SHISA9: variants seen among roughly 807,000 people sequenced by gnomAD.
The protein encoded by SHISA9 is protein shisa-9.
A neutral mutation model predicts 38.0 loss-of-function variants in SHISA9; 13 were observed. That is an observed-to-expected ratio of 0.34 (90% CI 0.22 to 0.54). SHISA9 has a LOEUF of 0.54. SHISA9 is among the 20% of genes least tolerant of loss of function. The pLI is 0.91. For missense variants in SHISA9, 538 were observed against 575.8 expected (o/e 0.93, Z 0.67); for synonymous variants, 275 against 242.0 (o/e 1.14, Z -1.27).
chr16:13,182,521 G>A (rs1022637472), intron 2 of SHISA9, among the ~76,000 whole-genome samples: 3 of 152,148 alleles, frequency 2.0e-5, no homozygotes, highest in Admixed American at 6.5e-5. Context: ...TTTTTCCTCT[G>A]ATGGCCTCAG....
the SHISA9 span, among the ~76,000 whole-genome samples, chr16:13,305,523 C>T: frequency 6.6e-6 from 1 of 152,210 alleles, no homozygotes; most frequent in African/African-American, 2.4e-5. Context: ...CTCTCTCACT[C>T]TCCCTTGCTT....
chr16:13,097,509 C>G (rs1431451497), intron 2 of SHISA9, among the ~76,000 whole-genome samples: 1 of 151,910 alleles, frequency 6.6e-6, no homozygotes, highest in Non-Finnish European at 1.5e-5. Context: ...CAAGTGATCC[C>G]CCTGCCTCAG....
intron 4 of SHISA9, among the ~76,000 whole-genome samples, chr16:13,216,806 C>G (rs1366585397): frequency 6.6e-6 from 1 of 152,088 alleles, no homozygotes; most frequent in Non-Finnish European, 1.5e-5. Context: ...AGTGTGTCTG[C>G]CAGGACAGGA....
intron 1 of SHISA9, chr16:12,908,720 C>T (rs183872064): frequency 5.5e-5 from 81 of 1,461,310 alleles, no homozygotes; most frequent in African/African-American, 2.8e-4. Flanking sequence ...AAGAAGCTAC[C>T]GTAAGATGAA....
chr16:12,980,307 G>A (rs138414312), intron 2 of SHISA9, among the ~76,000 whole-genome samples: 52 of 152,118 alleles, frequency 3.4e-4, no homozygotes, highest in African/African-American at 1.1e-3. Flanking sequence ...TTGAGGTCTC[G>A]TACATCTGAA....
chr16:13,019,772 CTTTCTTTCTTTCTTTCTT>C (rs1203877070), intron 2 of SHISA9, among the ~76,000 whole-genome samples: 3 of 59,290 alleles, frequency 5.1e-5, no homozygotes, highest in African/African-American at 2.4e-4. Flanking sequence ...TCTTTTCTTT[CTTTCTTTCTTTCTTTCTT>C]TCTTTCTTTC....
At chr16:13,026,305 T>C (rs2072921484) in intron 2 of SHISA9, among the ~76,000 whole-genome samples, 1 of 152,246 alleles carries the variant, frequency 6.6e-6, no homozygotes, top group Admixed American at 6.5e-5. Flanking sequence ...AGAGTCCTTA[T>C]TGAAGTGGAA....
At chr16:12,911,586 A>C (rs1032938703) in intron 1 of SHISA9, 15 of 161,708 alleles carry the variant, frequency 9.3e-5, no homozygotes, top group South Asian at 2.0e-4. Context: ...TTACTATCTC[A>C]ATGCATAATG....
chr16:13,289,918 A>G, the SHISA9 span, among the ~76,000 whole-genome samples: 1 of 152,226 alleles, frequency 6.6e-6, no homozygotes, highest in Non-Finnish European at 1.5e-5. Flanking sequence ...ACTAACACTG[A>G]CATCACTAGG....
In SHISA9 at chr16:12,990,984, AAT is replaced by A. The variant is rs560062629; in HGVS notation, c.691+74172_691+74173del. On this transcript the variant is annotated intron_variant, in intron 2 of 4. Transcript: ENST00000558583. ...TCAAATAGCTTTCCAGAAATACAGA[AAT>A]ATTATTCTTCCAACAACAGAATCTA... 1.3e-3 allele frequency among the ~76,000 whole-genome samples: 203 copies of A among 152,222 alleles called. 2 individuals carry two copies. Among genetic ancestry groups the A allele is most frequent in the Non-Finnish European group, 2.7e-3 (181 of 68,038 alleles).
At chr16:13,141,907 ATG>A (rs2050405204) in intron 2 of SHISA9, among the ~76,000 whole-genome samples, 1 of 152,146 alleles carries the variant, frequency 6.6e-6, no homozygotes, top group South Asian at 2.1e-4. Context: ...TCCATCCTTT[ATG>A]TCTGTAATAA....
the SHISA9 span, among the ~76,000 whole-genome samples, chr16:13,539,256 AG>A: frequency 7.2e-6 from 1 of 138,310 alleles, no homozygotes; most frequent in South Asian, 2.5e-4. Context: ...CAGCCTCCCA[AG>A]TAGCTGGGAC....
At chr16:13,437,813 A>G in the SHISA9 span, among the ~76,000 whole-genome samples, 16 of 133,258 alleles carry the variant, frequency 1.2e-4, no homozygotes, top group Admixed American at 5.0e-4. Flanking sequence ...TGACAATTCC[A>G]AGTGGTGGAT....
At chr16:12,916,438 G>A (rs935839753) in intron 1 of SHISA9, among the ~76,000 whole-genome samples, 1 of 152,120 alleles carries the variant, frequency 6.6e-6, no homozygotes, top group African/African-American at 2.4e-5. Flanking sequence ...AAAACTCCGT[G>A]GGGTAGATAG....
intron 2 of SHISA9, among the ~76,000 whole-genome samples, chr16:13,132,200 T>C (rs1033438830): frequency 1.3e-5 from 2 of 152,138 alleles, no homozygotes; most frequent in East Asian, 3.9e-4. Context: ...GGTTACTAGC[T>C]GGGTGACTTT....
chr16:13,019,584 A>G (rs188635349), intron 2 of SHISA9, among the ~76,000 whole-genome samples: 2 of 152,042 alleles, frequency 1.3e-5, no homozygotes, highest in African/African-American at 4.8e-5. Flanking sequence ...GTGTTGTGCA[A>G]CTGTCACCAC....
the SHISA9 span, among the ~76,000 whole-genome samples, chr16:13,461,333 A>T: frequency 6.6e-6 from 1 of 152,156 alleles, no homozygotes; most frequent in Non-Finnish European, 1.5e-5. Context: ...TAATCCCAGC[A>T]CTTTGGGAGG....
chr16:13,108,072 G>A (rs1414284866), intron 2 of SHISA9, among the ~76,000 whole-genome samples: 1 of 152,066 alleles, frequency 6.6e-6, no homozygotes, highest in Non-Finnish European at 1.5e-5. Context: ...TTGGTAGGAG[G>A]ACAGGGAGTG....
At chr16:13,209,967 GGCACA>G (rs562888259) in intron 3 of SHISA9, among the ~76,000 whole-genome samples, 90 of 152,284 alleles carry the variant, frequency 5.9e-4, no homozygotes, top group African/African-American at 2.0e-3. Flanking sequence ...TGGGTGTGGT[GGCACA>G]TGCCTGTAGT....
Sources: allele counts gnomAD v4.1 joint callset (sites outside exome capture counted in the v4.1 genomes callset), GRCh38; gene constraint gnomAD v4.1.1; transcripts MANE v1.5; gene names NCBI Gene and HGNC (gene_info 2026-07-23, HGNC 2026-07-21).